GRIK4: variants seen among roughly 807,000 people sequenced by gnomAD.
GRIK4 encodes glutamate ionotropic receptor kainate type subunit 4, also known as glutamate receptor ionotropic, kainate 4.
GRIK4 carries 40 observed loss-of-function variants against 104.9 expected under a neutral mutation model. The ratio of observed to expected loss-of-function variants is 0.38; its 90% CI spans 0.30 to 0.50. The LOEUF (loss-of-function observed/expected upper bound fraction) is 0.50. Ranked by LOEUF, GRIK4 falls within the 20% of genes least tolerant of loss-of-function variation. The probability of loss-of-function intolerance (pLI) is 0.93; values close to 1 mark genes in which losing one functional copy is unlikely to be tolerated. For missense variants in GRIK4, 1,047 were observed against 1,308.1 expected (o/e 0.80, Z 3.08); for synonymous variants, 485 against 524.9 (o/e 0.92, Z 1.04).
chr11:120,620,019 C>T lies in GRIK4; in HGVS notation c.-158-33666C>T, dbSNP rs1255898257. On this transcript the variant is annotated intron_variant, in intron 1 of 20. Coordinates refer to ENST00000527524, the MANE Select transcript of GRIK4 (RefSeq NM_014619.5). ...TTGGGAATCTCGGTGGAGCTGTTAG[C>T]GTAGTGAACCTGTGTGTAAAATACG... The T allele has an allele frequency of 2.7e-5, 15 of 557,796 alleles. 1 individual carries two copies. In the South Asian group the frequency reaches 2.9e-4, roughly 11 times the overall value. 34.6% of individuals were successfully genotyped at this position (557,796 alleles called of 1,614,324 possible).
At chr11:120,662,337 A>C (rs1389391291) in intron 3 of GRIK4, among the ~76,000 whole-genome samples, 1 of 152,224 alleles carries the variant, frequency 6.6e-6, no homozygotes, top group African/African-American at 2.4e-5. Context: ...GGCAAGGTCA[A>C]ACCGGGCCTA....
At chr11:120,601,035 CAG>C (rs1381387474) in intron 1 of GRIK4, among the ~76,000 whole-genome samples, 1 of 151,308 alleles carries the variant, frequency 6.6e-6, no homozygotes, top group Non-Finnish European at 1.5e-5. Flanking sequence ...AGCCTGGTGA[CAG>C]AGTGAGACCT....
chr11:120,967,200 G>C lies in GRIK4; in HGVS notation c.2272G>C (p.Val758Leu). 6.2e-7 allele frequency: 1 copy of C among 1,613,160 alleles called. No individual in the cohort carries two copies. Among genetic ancestry groups the C allele is most frequent in the Non-Finnish European group, 8.5e-7 (1 of 1,179,494 alleles). The change falls in exon 19 of 21, where the codon GTT (valine) becomes CTT (leucine). Residue 758 changes from valine (V) to leucine (L), a missense_variant. Coordinates refer to ENST00000527524, the MANE Select transcript of GRIK4 (RefSeq NM_014619.5). This position sits in a 1 kb window ranked among gnomAD's most constrained non-coding sequence, Gnocchi z 4.2. Reference protein sequence around the residue: ...GYGIGMPVGSVFRDEFDLAIL... With the variant: ...GYGIGMPVGSLFRDEFDLAIL... ...CTCTCCCGTAACCCCCGCAGGCTCG[G>C]TTTTCCGGGACGAGTTTGATCTGGC...
chr11:120,888,727 C>G (rs1316895229), intron 11 of GRIK4, among the ~76,000 whole-genome samples: 1 of 152,122 alleles, frequency 6.6e-6, no homozygotes, highest in Non-Finnish European at 1.5e-5. Flanking sequence ...CATAAACATC[C>G]ATCTATATGT....
At position 120,528,332 on chromosome 11, in the gene GRIK4, T is replaced by C. The variant is rs1017102399; in HGVS notation, c.-159+16445T>C. On this transcript the variant is annotated intron_variant, in intron 1 of 20. Coordinates refer to ENST00000527524, the MANE Select transcript of GRIK4 (RefSeq NM_014619.5). ...TTCACAGTGTTAGCCAGGATGGTCT[T>C]GATCTCCTGACCTCATGATCTGCCC... Among the ~76,000 whole-genome samples, 7 of 152,146 alleles carry C rather than the reference T, an allele frequency of 4.6e-5. No homozygotes were observed. In the South Asian group the frequency reaches 1.0e-3, roughly 23 times the overall value.
At chr11:120,866,952 G>A (rs772753503) in intron 9 of GRIK4, among the ~76,000 whole-genome samples, 4 of 152,070 alleles carry the variant, frequency 2.6e-5, no homozygotes, top group Non-Finnish European at 4.4e-5. Context: ...GGGCATCCTC[G>A]TAACAGTTAA....
In GRIK4 at chr11:120,555,977, C is replaced by T. The variant is rs759946349; in HGVS notation, c.-159+44090C>T. Among the ~76,000 whole-genome samples the T allele has an allele frequency of 2.6e-5, 4 of 152,208 alleles. No individual in the cohort carries two copies. The highest frequency in any genetic ancestry group is 7.2e-5 in the African/African-American group (3 of 41,452). Reference sequence around the variant, plus strand: ...ATGGTTTACTTACATGTTAGACTGTCGGCTACTTGAAACCAGTTCTTCTCA... The same window carrying T: ...ATGGTTTACTTACATGTTAGACTGTTGGCTACTTGAAACCAGTTCTTCTCA... On this transcript the variant is annotated intron_variant, in intron 1 of 20. Coordinates refer to ENST00000527524, the MANE Select transcript of GRIK4 (RefSeq NM_014619.5). This position sits in a 1 kb window ranked among gnomAD's most constrained non-coding sequence, Gnocchi z 5.3.
intron 3 of GRIK4, among the ~76,000 whole-genome samples, chr11:120,783,633 T>C (rs1424235405): frequency 6.6e-6 from 1 of 152,242 alleles, no homozygotes; most frequent in East Asian, 1.9e-4. Context: ...CCATGGCATA[T>C]GGCATCGGAA....
At chr11:120,585,771 GT>G (rs1244753667) in intron 1 of GRIK4, among the ~76,000 whole-genome samples, 2 of 146,188 alleles carry the variant, frequency 1.4e-5, no homozygotes, top group African/African-American at 5.0e-5. Flanking sequence ...AGCACCATTT[GT>G]TGAAAAGTCT....
At chr11:120,685,367 A>T (rs1029863856) in intron 3 of GRIK4, among the ~76,000 whole-genome samples, 2 of 152,198 alleles carry the variant, frequency 1.3e-5, no homozygotes, top group African/African-American at 4.8e-5. Flanking sequence ...TGTTCATTAA[A>T]GTTTGAGAAA....
chr11:120,624,804 G>A (rs1483259437), intron 1 of GRIK4, among the ~76,000 whole-genome samples: 1 of 152,034 alleles, frequency 6.6e-6, no homozygotes, highest in Non-Finnish European at 1.5e-5. Context: ...CTCCCTGCCT[G>A]CTGCTCCAGG....
At chr11:120,981,771 T>C (rs1369810630) in intron 19 of GRIK4, among the ~76,000 whole-genome samples, 1 of 152,196 alleles carries the variant, frequency 6.6e-6, no homozygotes, top group Non-Finnish European at 1.5e-5. Context: ...GTCATGTCTC[T>C]CTCTATAAGC....
At chr11:120,561,743 C>T (rs1948241773) in intron 1 of GRIK4, among the ~76,000 whole-genome samples, 1 of 152,322 alleles carries the variant, frequency 6.6e-6, no homozygotes, top group Non-Finnish European at 1.5e-5. Flanking sequence ...CCCACATCTC[C>T]TCCCTCTCCT....
At chr11:120,874,293 T>A (rs1954707141) in intron 10 of GRIK4, 75 bp downstream of exon 10, 1 of 1,192,042 alleles carries the variant, frequency 8.4e-7, no homozygotes, top group Non-Finnish European at 1.2e-6. Flanking sequence ...GGTACAAGAG[T>A]CCCTCAACTC....
chr11:120,579,791 C>G (rs1465702647), intron 1 of GRIK4, among the ~76,000 whole-genome samples: 1 of 152,102 alleles, frequency 6.6e-6, no homozygotes, highest in East Asian at 1.9e-4. Context: ...CCCCGTTTAG[C>G]ATAAAGTTCC....
chr11:120,599,776 G>A (rs1054598433), intron 1 of GRIK4, among the ~76,000 whole-genome samples: 2 of 152,226 alleles, frequency 1.3e-5, no homozygotes, highest in African/African-American at 2.4e-5. Flanking sequence ...GAGAGAAAAG[G>A]CAGTAGGAGC....
chr11:120,696,546 G>T (rs530137405), intron 3 of GRIK4, among the ~76,000 whole-genome samples: 5 of 151,950 alleles, frequency 3.3e-5, no homozygotes, highest in Non-Finnish European at 7.4e-5. Context: ...TGAGAGAGCT[G>T]GGGTTGAAGA....
intron 1 of GRIK4, among the ~76,000 whole-genome samples, chr11:120,577,650 T>G (rs1238781962): frequency 6.6e-6 from 1 of 151,498 alleles, no homozygotes; most frequent in Non-Finnish European, 1.5e-5. Flanking sequence ...GATCACAGAG[T>G]CATTTTGCCT....
intron 3 of GRIK4, among the ~76,000 whole-genome samples, chr11:120,781,120 TTA>T (rs1031093285): frequency 1.7e-4 from 26 of 151,800 alleles, no homozygotes; most frequent in African/African-American, 5.6e-4. Context: ...TCTCCACTTT[TTA>T]TGTCCTTTCT....
Sources: gnomAD v4.1 joint callset for allele counts (sites outside exome capture counted in the v4.1 genomes callset) on GRCh38, gnomAD v4.1.1 for gene constraint, Gnocchi (gnomAD v3.1) non-coding constraint, MANE v1.5 for transcripts, NCBI Gene and HGNC (gene_info 2026-07-23, HGNC 2026-07-21) for gene names.